The following NOL12 variants were observed in gnomAD, a reference collection of about 807,000 sequenced individuals.
The protein encoded by NOL12 is nucleolar protein 12.
NOL12 carries 21 observed loss-of-function variants against 25.2 expected under a neutral mutation model. The ratio of observed to expected loss-of-function variants is 0.83; its 90% CI spans 0.59 to 1.20. NOL12 has a LOEUF of 1.20. Among genes scored for constraint, NOL12 ranks in the 50% most tolerant of loss-of-function variants. NOL12 has a pLI of 0.00. For synonymous variants in NOL12, 133 were observed against 113.8 expected (o/e 1.17, Z -1.08); for missense variants, 286 against 287.6 (o/e 0.99, Z 0.04).
intron 4 of NOL12, among the ~76,000 whole-genome samples, chr22:37,689,274 C>T (rs879653343): frequency 1.3e-5 from 2 of 152,238 alleles, no homozygotes; most frequent in Non-Finnish European, 1.5e-5. Context: ...GCTCCTTCAC[C>T]TTGCCTGCTT....
chr22:37,691,341 G>T lies in NOL12; in HGVS notation c.*5G>T. On this transcript the variant is annotated 3_prime_UTR_variant, in exon 6 of 6. Coordinates refer to ENST00000359114, the MANE Select transcript of NOL12 (RefSeq NM_024313.3). ...GCACGGCACAGCGGGGAGTGAGACC[G>T]AGAACGAAGCGGTGCCCCAGTCTAG... The T allele has an allele frequency of 1.9e-6, 3 of 1,602,580 alleles. No individual in the cohort carries two copies. The highest frequency in any genetic ancestry group is 2.2e-5 in the South Asian group (2 of 90,290).
At chr22:37,690,967 T>G (rs1922040102) in intron 5 of NOL12, 173 bp downstream of exon 5, 1 of 686,098 alleles carries the variant, frequency 1.5e-6, no homozygotes, top group African/African-American at 1.8e-5. Context: ...TGATAGTGTC[T>G]GACCTCCAGT....
In NOL12 at chr22:37,691,328, G is replaced by C. The variant is rs750131303; in HGVS notation, c.634G>C (p.Gly212Arg). 1 of 1,609,182 alleles carries C rather than the reference G, an allele frequency of 6.2e-7. No homozygotes were observed. Among genetic ancestry groups the C allele is most frequent in the Non-Finnish European group, 8.5e-7 (1 of 1,177,362 alleles). ...RRLTGKARHS[G>R]E is the part of the protein sequence containing the mutation. ...TCTCACAGGCAAAGCACGGCACAGC[G>C]GGGAGTGAGACCGAGAACGAAGCGG... The change falls in exon 6 of 6, where the codon GGG becomes CGG. Residue 212 changes from glycine to arginine, a missense_variant. Transcript: ENST00000359114.
intron 5 of NOL12, 42 bp downstream of exon 5, chr22:37,690,836 G>A: frequency 6.9e-7 from 1 of 1,451,776 alleles, no homozygotes; most frequent in Non-Finnish European, 9.6e-7. Flanking sequence ...ACCCCTCCTG[G>A]CTGGCAGTAG....
At chr22:37,687,803 T>C in intron 1 of NOL12, 107 bp from the exon 2 acceptor site, 1 of 762,864 alleles carries the variant, frequency 1.3e-6, no homozygotes, top group Admixed American at 2.4e-5. Context: ...TTTTTTGGAA[T>C]GGTGCCTAGC....
chr22:37,691,195 A>G lies in NOL12; in HGVS notation c.501A>G (p.Ser167=). 1 of 1,611,790 alleles carries G rather than the reference A, an allele frequency of 6.2e-7. No individual in the cohort carries two copies. ...LSQRISSLTA[S]LHAHSRKKVK... is the part of the protein sequence containing the mutation. The stretch of plus-strand genomic sequence containing the variant: ...CTAGGATCTCCTCCCTCACAGCATC[A>G]CTACATGCACACAGCCGCAAAAAGG... Residue 167 remains serine (S), a synonymous_variant, in exon 6 of 6, where the codon TCA becomes TCG. Transcript: ENST00000359114.
chr22:37,688,407 G>GT (rs1921917516), intron 3 of NOL12, 47 bp downstream of exon 3: 2 of 1,592,794 alleles, frequency 1.3e-6, no homozygotes, highest in African/African-American at 2.7e-5. Context: ...GATGGGCCTG[G>GT]TTTATACCCT....
At chr22:37,687,258 G>GCCCCCCCCCC (rs66493048) in intron 1 of NOL12, 41 of 148,762 alleles carry the variant, frequency 2.8e-4, no homozygotes, top group African/African-American at 4.9e-4. Context: ...ACTGTGTGTG[G>GCCCCCCCCCC]CCCCCCCCCC....
In NOL12 at chr22:37,688,064, G is replaced by A. The variant is rs1428801446; in HGVS notation, c.189+49G>A. On this transcript the variant is annotated intron_variant, in intron 2 of 5. Coordinates refer to ENST00000359114, the MANE Select transcript of NOL12 (RefSeq NM_024313.3). Reference sequence around the variant, plus strand: ...GAGGTCTTTGATTCTTAGGGCACTTGCAGCCTTGGATTTCCCTAATAGAGG... The same window carrying A: ...GAGGTCTTTGATTCTTAGGGCACTTACAGCCTTGGATTTCCCTAATAGAGG... 3 of 1,478,644 alleles carry A rather than the reference G, an allele frequency of 2.0e-6. No homozygotes were observed. In the Admixed American group the frequency reaches 5.9e-5, roughly 29 times the overall value. The allele number at this position is 1,478,644 out of a possible 1,614,324, so 91.6% of individuals were successfully genotyped here. A position where few individuals can be genotyped will look rare whatever the true frequency, so the allele number is the denominator to read the frequency against.
chr22:37,686,615 G>T, intron 1 of NOL12, 140 bp downstream of exon 1: 2 of 1,372,150 alleles, frequency 1.5e-6, no homozygotes, highest in Non-Finnish European at 1.9e-6. Context: ...CGGCCTTCCA[G>T]CCCGCGTTCC....
chr22:37,689,468 A>G (rs762990), intron 4 of NOL12, among the ~76,000 whole-genome samples: 118,316 of 152,144 alleles, frequency 0.78, 46,100 homozygotes, highest in East Asian at 0.84. Context: ...CAGCCCTGGC[A>G]CGTCTGTGTG....
Position 37,688,465 on chromosome 22 carries a change from T to TG in NOL12, c.238+111dup, listed in dbSNP as rs965565519. 8.9e-5 allele frequency: 111 copies of TG among 1,247,892 alleles called. 1 individual carries two copies. The highest frequency in any genetic ancestry group is 1.2e-4 in the Non-Finnish European group (105 of 852,874). 77.3% of individuals were successfully genotyped at this position (1,247,892 alleles called of 1,614,324 possible). A position where few individuals can be genotyped will look rare whatever the true frequency, so the allele number is the denominator to read the frequency against. Reference sequence around the variant, plus strand: ...CTGACCTCCTTGGCCCTAGGGATCTTGGGGGGTACCCTGGGGCCAGGGGTG... The same window carrying TG: ...CTGACCTCCTTGGCCCTAGGGATCTTGGGGGGGTACCCTGGGGCCAGGGGTG... On this transcript the variant is annotated intron_variant, in intron 3 of 5. Transcript: ENST00000359114.
At position 37,691,120 on chromosome 22, in the gene NOL12, T is replaced by C; in HGVS notation, c.480-54T>C. On this transcript the variant is annotated intron_variant, in intron 5 of 5. Transcript: ENST00000359114. ...CCTGACATCCCCTCCGTGAGCCAGG[T>C]GGTGAGTCACCCCACAATGCAATCT... 16 of 1,541,096 alleles carry C rather than the reference T, an allele frequency of 1.0e-5. No individual in the cohort carries two copies. In the South Asian group the frequency reaches 2.0e-4, roughly 19 times the overall value.
chr22:37,686,639 T>A, intron 1 of NOL12, 164 bp downstream of exon 1: 1 of 985,340 alleles, frequency 1.0e-6, no homozygotes, highest in African/African-American at 1.7e-5. Flanking sequence ...TTCTCCCTTC[T>A]CGGCCGCCAC....
rs1360402763 is a variant in NOL12 at position 37,687,914 on chromosome 22, T to C, written c.88T>C (p.Tyr30His). Reference sequence around the variant, plus strand: ...CTGCCGGCTTCCTTCCTGTAGGGAGTACCTGACAGGCTTCCACAAGCGGAA... The same window carrying C: ...CTGCCGGCTTCCTTCCTGTAGGGAGCACCTGACAGGCTTCCACAAGCGGAA... ...LSFDEEKRRE[Y>H]LTGFHKRKVE... is the part of the protein sequence containing the mutation. The change falls in exon 2 of 6, where the codon TAC becomes CAC. Residue 30 changes from tyrosine (Y) to histidine (H), a missense_variant. By Grantham distance (83) the Tyr-to-His change is moderately conservative (BLOSUM62 2). Coordinates refer to ENST00000359114, the MANE Select transcript of NOL12 (RefSeq NM_024313.3). 1 of 1,570,230 alleles carries C rather than the reference T, an allele frequency of 6.4e-7. No individual in the cohort carries two copies. Among genetic ancestry groups the C allele is most frequent in the Non-Finnish European group, 8.6e-7 (1 of 1,157,852 alleles).
chr22:37,693,239 G>A lies in NOL12; in HGVS notation c.*1903G>A, dbSNP rs961556747. ...CTCTGGTTTGTCTCGTCATGTGTAA[G>A]GTGACACCAGATACCTACCTCTTAG... On this transcript the variant is annotated 3_prime_UTR_variant, in exon 6 of 6. Transcript: ENST00000359114. 6.6e-6 allele frequency: 1 copy of A among 152,558 alleles called. No homozygotes were observed. The allele number at this position is 152,558 out of a possible 1,614,324, so 9.5% of individuals were successfully genotyped here.
intron 3 of NOL12, 50 bp from the exon 4 acceptor site, chr22:37,688,800 C>G (rs779376546): frequency 6.2e-7 from 1 of 1,607,324 alleles, no homozygotes; most frequent in Non-Finnish European, 8.5e-7. Flanking sequence ...AGGCTGGAGC[C>G]TGGTCACTCG....
Position 37,690,847 on chromosome 22 carries a change from T to C in NOL12, c.479+53T>C, listed in dbSNP as rs1302563912. On this transcript the variant is annotated intron_variant, in intron 5 of 5. Transcript: ENST00000359114. ...TCCCACCCCTCCTGGCTGGCAGTAG[T>C]GACCTGGCCCTTAGGGTGGTGTGGA... 48 of 1,349,366 alleles carry C rather than the reference T, an allele frequency of 3.6e-5. 1 individual carries two copies. The highest frequency in any genetic ancestry group is 1.8e-4 in the Middle Eastern group (1 of 5,498). The allele number at this position is 1,349,366 out of a possible 1,614,324, so 83.6% of individuals were successfully genotyped here.
chr22:37,692,763 A>G lies in NOL12; in HGVS notation c.*1427A>G. The G allele has an allele frequency of 2.5e-6, 1 of 398,860 alleles. No homozygotes were observed. Among genetic ancestry groups the G allele is most frequent in the Non-Finnish European group, 4.4e-6 (1 of 226,338 alleles). 24.7% of individuals were successfully genotyped at this position (398,860 alleles called of 1,614,324 possible). A position where few individuals can be genotyped will look rare whatever the true frequency, so the allele number is the denominator to read the frequency against. On this transcript the variant is annotated 3_prime_UTR_variant, in exon 6 of 6. Coordinates refer to ENST00000359114, the MANE Select transcript of NOL12 (RefSeq NM_024313.3). The stretch of plus-strand genomic sequence containing the variant: ...GGGTGAGCAGTGAGCCAGGGTCTGC[A>G]GGGCTGTCCTCTCTCCACAGCCAAC...
Sources: allele counts gnomAD v4.1 joint callset (sites outside exome capture counted in the v4.1 genomes callset), GRCh38; gene constraint gnomAD v4.1.1; transcripts MANE v1.5; gene names NCBI Gene and HGNC (gene_info 2026-07-23, HGNC 2026-07-21).